The following FSTL4 variants were observed in gnomAD, a reference collection of about 807,000 sequenced individuals.
FSTL4 encodes follistatin like 4.
A neutral mutation model predicts 78.2 loss-of-function variants in FSTL4; 28 were observed. The observed-to-expected ratio is 0.36, with a 90% CI of 0.27 to 0.49. The LOEUF is 0.49. Among genes scored for constraint, FSTL4 ranks in the 20% least tolerant of loss-of-function variants. FSTL4 has a pLI of 0.98. For synonymous variants in FSTL4, 422 were observed against 440.5 expected (o/e 0.96, Z 0.53); for missense variants, 922 against 1,084.9 (o/e 0.85, Z 2.11).
At chr5:133,568,977 T>C (rs1343457177) in intron 2 of FSTL4, among the ~76,000 whole-genome samples, 2 of 152,230 alleles carry the variant, frequency 1.3e-5, no homozygotes, top group Non-Finnish European at 2.9e-5. Flanking sequence ...TATTTTATAG[T>C]TTTCCTTGTG....
At chr5:133,543,561 C>T (rs1420002133) in intron 3 of FSTL4, among the ~76,000 whole-genome samples, 1 of 152,086 alleles carries the variant, frequency 6.6e-6, no homozygotes, top group Non-Finnish European at 1.5e-5. Flanking sequence ...TCTAGTTATG[C>T]TTTATGCCTC....
chr5:133,356,989 G>A (rs1012937856), intron 4 of FSTL4, among the ~76,000 whole-genome samples: 1 of 152,212 alleles, frequency 6.6e-6, no homozygotes, highest in Non-Finnish European at 1.5e-5. Context: ...GGCCAGAGTG[G>A]GGCCCAGCAC....
chr5:133,305,258 C>A (rs1753629778), intron 6 of FSTL4, among the ~76,000 whole-genome samples: 1 of 152,190 alleles, frequency 6.6e-6, no homozygotes, highest in African/African-American at 2.4e-5. Context: ...CTGGGCAACT[C>A]TGGAGAGGCT....
At chr5:133,701,372 C>A in the FSTL4 span, among the ~76,000 whole-genome samples, 1 of 145,458 alleles carries the variant, frequency 6.9e-6, no homozygotes, top group Admixed American at 6.9e-5. Flanking sequence ...CACTGCACTC[C>A]AGCCCGGGCA....
At chr5:133,475,397 T>C (rs1466807113) in intron 3 of FSTL4, among the ~76,000 whole-genome samples, 1 of 152,240 alleles carries the variant, frequency 6.6e-6, no homozygotes, top group Non-Finnish European at 1.5e-5. Flanking sequence ...CAGGAGGGTT[T>C]TCCAGGGCTG....
At chr5:133,439,985 A>T (rs555116514) in intron 3 of FSTL4, among the ~76,000 whole-genome samples, 1 of 152,340 alleles carries the variant, frequency 6.6e-6, no homozygotes, top group East Asian at 1.9e-4. Context: ...AGCTGTAAGC[A>T]TAGAGGATCT....
chr5:133,360,284 G>A (rs1374361660), intron 4 of FSTL4, among the ~76,000 whole-genome samples: 1 of 152,216 alleles, frequency 6.6e-6, no homozygotes, highest in Non-Finnish European at 1.5e-5. Flanking sequence ...CCCATTTGAT[G>A]ATGAGAAAGA....
intron 4 of FSTL4, among the ~76,000 whole-genome samples, chr5:133,387,359 G>A (rs1359241968): frequency 6.6e-6 from 1 of 152,178 alleles, no homozygotes. Context: ...GAGTGCATGA[G>A]ATGACGTCCA....
At chr5:133,203,977 G>C (rs911261308) in intron 14 of FSTL4, among the ~76,000 whole-genome samples, 2 of 134,230 alleles carry the variant, frequency 1.5e-5, no homozygotes. Context: ...CCTAAAGATA[G>C]ATAACTGTCA....
the FSTL4 span, among the ~76,000 whole-genome samples, chr5:133,627,806 TTC>T: frequency 6.6e-6 from 1 of 151,992 alleles, no homozygotes; most frequent in African/African-American, 2.4e-5. Flanking sequence ...CATTTCTGTT[TTC>T]TTTTTCCTGC....
At chr5:133,464,343 A>C (rs1170157517) in intron 3 of FSTL4, among the ~76,000 whole-genome samples, 1 of 152,208 alleles carries the variant, frequency 6.6e-6, no homozygotes, top group African/African-American at 2.4e-5. Context: ...TGCTGAGTCC[A>C]TATGCAGGTT....
the FSTL4 span, among the ~76,000 whole-genome samples, chr5:133,671,621 A>G: frequency 6.6e-6 from 1 of 152,236 alleles, no homozygotes; most frequent in African/African-American, 2.4e-5. Flanking sequence ...AGGGTCATTT[A>G]TAACCTGATG....
the FSTL4 span, among the ~76,000 whole-genome samples, chr5:133,788,589 C>G: frequency 6.6e-6 from 1 of 152,214 alleles, no homozygotes; most frequent in East Asian, 1.9e-4. Context: ...AGTCCAGCCT[C>G]TCTGAGCAGA....
chr5:133,834,929 T>C, the FSTL4 span, among the ~76,000 whole-genome samples: 1 of 152,092 alleles, frequency 6.6e-6, no homozygotes. Context: ...GGGTTATGAG[T>C]GAATTTTTTC....
At chr5:133,660,375 C>A in the FSTL4 span, among the ~76,000 whole-genome samples, 2 of 152,316 alleles carry the variant, frequency 1.3e-5, no homozygotes, top group Admixed American at 1.3e-4. Context: ...TTAGGGAAAT[C>A]CTCCTGTACA....
intron 3 of FSTL4, among the ~76,000 whole-genome samples, chr5:133,495,625 C>T (rs1011225526): frequency 5.3e-5 from 8 of 152,220 alleles, no homozygotes; most frequent in Non-Finnish European, 1.0e-4. Flanking sequence ...AGGATCATCA[C>T]AGTGAACAGC....
At chr5:133,275,354 G>C (rs1390222362) in intron 6 of FSTL4, among the ~76,000 whole-genome samples, 3 of 152,142 alleles carry the variant, frequency 2.0e-5, no homozygotes, top group Non-Finnish European at 4.4e-5. Flanking sequence ...GAGGTCAGGA[G>C]TTCGAGACCA....
intron 4 of FSTL4, among the ~76,000 whole-genome samples, chr5:133,384,007 A>T (rs1359662686): frequency 6.6e-6 from 1 of 152,134 alleles, no homozygotes. Context: ...TTTCAAATGG[A>T]TATTGTTTAA....
At chr5:133,377,997 A>G (rs1178662621) in intron 4 of FSTL4, among the ~76,000 whole-genome samples, 1 of 152,222 alleles carries the variant, frequency 6.6e-6, no homozygotes, top group Non-Finnish European at 1.5e-5. Flanking sequence ...GACATATTCA[A>G]TGTGCTAAAA....
Sources: gnomAD v4.1 joint callset for allele counts (sites outside exome capture counted in the v4.1 genomes callset) on GRCh38, gnomAD v4.1.1 for gene constraint, MANE v1.5 for transcripts, NCBI Gene and HGNC (gene_info 2026-07-23, HGNC 2026-07-21) for gene names.